Variants in RUNDC3A observed in about 807,000 individuals in gnomAD.
RUNDC3A encodes RUN domain-containing protein 3A.
A neutral mutation model predicts 53.9 loss-of-function variants in RUNDC3A; 28 were observed. The observed-to-expected ratio is 0.52, with a 90% CI of 0.38 to 0.71. RUNDC3A has a LOEUF of 0.71. Among genes scored for constraint, RUNDC3A ranks in the 30% least tolerant of loss-of-function variants. RUNDC3A has a pLI of 0.00. For missense variants in RUNDC3A, 491 were observed against 597.3 expected (o/e 0.82, Z 1.85); for synonymous variants, 232 against 249.4 (o/e 0.93, Z 0.66).
rs1286818762 is a variant in RUNDC3A at position 44,315,885 on chromosome 17, G to A, written c.953+276G>A. Reference sequence around the variant, plus strand: ...AGTGGCCATCCAACCTTACTGCAGGGACCCCACGTCACTCACAAGGACCTG... The same window carrying A: ...AGTGGCCATCCAACCTTACTGCAGGAACCCCACGTCACTCACAAGGACCTG... On this transcript the variant is annotated intron_variant, in intron 8 of 10. Coordinates refer to ENST00000426726, the MANE Select transcript of RUNDC3A (RefSeq NM_001144825.2). The surrounding 1 kb of genome is among the most constrained non-coding windows in gnomAD (Gnocchi z 6.1). Among the ~76,000 whole-genome samples the A allele has an allele frequency of 6.6e-6, 1 of 151,716 alleles. No homozygotes were observed. Among genetic ancestry groups the A allele is most frequent in the African/African-American group, 2.4e-5 (1 of 41,244 alleles).
In RUNDC3A at chr17:44,317,633, T is replaced by C. The variant is rs2047894897; in HGVS notation, c.1199-463T>C. The C allele has an allele frequency of 1.1e-5, 8 of 732,642 alleles. No homozygotes were observed. The South Asian group carries it at 1.2e-4, about 11-fold the overall frequency. 45.4% of individuals were successfully genotyped at this position (732,642 alleles called of 1,614,324 possible). ...TGAATATCCTGTCTTTTCTTTTTTA[T>C]AAGCAACCACACTGTATTGGATGAC... On this transcript the variant is annotated intron_variant, in intron 10 of 10. Coordinates refer to ENST00000426726, the MANE Select transcript of RUNDC3A (RefSeq NM_001144825.2).
chr17:44,317,339 G>A, intron 10 of RUNDC3A: 1 of 703,888 alleles, frequency 1.4e-6, no homozygotes. Flanking sequence ...TTGTCACATG[G>A]TGAGGGCTCA....
chr17:44,315,304 T>C lies in RUNDC3A; in HGVS notation c.779T>C (p.Ile260Thr). The C allele has an allele frequency of 6.6e-7, 1 of 1,517,964 alleles. No individual in the cohort carries two copies. Among genetic ancestry groups the C allele is most frequent in the Non-Finnish European group, 8.8e-7 (1 of 1,130,350 alleles). 94.0% of individuals were successfully genotyped at this position (1,517,964 alleles called of 1,614,324 possible). Residue 260 changes from isoleucine to threonine, a missense_variant, in exon 7 of 11, where the codon ATC (isoleucine) becomes ACC (threonine). Transcript: ENST00000426726. This position sits in a 1 kb window ranked among gnomAD's most constrained non-coding sequence, Gnocchi z 6.1. Reference protein sequence around the residue: ...KWHKMEQKFRIVYAQKGYLEE... With the variant: ...KWHKMEQKFRTVYAQKGYLEE... Reference sequence around the variant, plus strand: ...CACAAGATGGAGCAGAAGTTCCGCATCGTCTACGCGCAGAAGGTGCGCGAC... The same window carrying C: ...CACAAGATGGAGCAGAAGTTCCGCACCGTCTACGCGCAGAAGGTGCGCGAC...
At position 44,313,217 on chromosome 17, in the gene RUNDC3A, G is replaced by A. The variant is rs1469230241; in HGVS notation, c.337G>A (p.Glu113Lys). Reference sequence around the variant, plus strand: ...GCCCAACAACTGTGTGAGCAGCATCGAGAACATGGAGAACATCAGCACAGC... The same window carrying A: ...GCCCAACAACTGTGTGAGCAGCATCAAGAACATGGAGAACATCAGCACAGC... Reference protein sequence around the residue: ...KVPNNCVSSIENMENISTARA... With the variant: ...KVPNNCVSSIKNMENISTARA... Residue 113 changes from glutamate (E) to lysine (K), a missense_variant, in exon 3 of 11, where the codon GAG (glutamate) becomes AAG (lysine). Physicochemically the swap from Glu to Lys is moderately conservative, Grantham distance 56 (BLOSUM62 1). This residue lies in a region of RUNDC3A where 273 missense variants were observed against 389.0 expected (regional missense o/e 0.70). Coordinates refer to ENST00000426726, the MANE Select transcript of RUNDC3A (RefSeq NM_001144825.2). The A allele has an allele frequency of 1.2e-6, 2 of 1,613,896 alleles. No individual in the cohort carries two copies. The highest frequency in any genetic ancestry group is 1.7e-5 in the Admixed American group (1 of 60,014).
rs933307059 is a variant in RUNDC3A at position 44,311,415 on chromosome 17, C to T, written c.108-1165C>T. The T allele has an allele frequency of 1.5e-4, 130 of 882,852 alleles. 1 individual carries two copies. The highest frequency in any genetic ancestry group is 1.6e-4 in the Non-Finnish European group (120 of 736,458). The allele number at this position is 882,852 out of a possible 1,614,324, so 54.7% of individuals were successfully genotyped here. A position where few individuals can be genotyped will look rare whatever the true frequency, so the allele number is the denominator to read the frequency against. ...TGACTACTCATAAGCCATGTGACTCCGAACAGATCAGTCAACCTCTTGGAC... is the reference window on the plus strand; with the variant it reads ...TGACTACTCATAAGCCATGTGACTCTGAACAGATCAGTCAACCTCTTGGAC... On this transcript the variant is annotated intron_variant, in intron 1 of 10. Transcript: ENST00000426726.
At chr17:44,310,578 C>T in intron 1 of RUNDC3A, 1 of 361,978 alleles carries the variant, frequency 2.8e-6, no homozygotes, top group Non-Finnish European at 3.9e-6. Flanking sequence ...CAGGCCCCTA[C>T]TGCCTCATCA....
Position 44,315,687 on chromosome 17 carries a change from A to C in RUNDC3A, c.953+78A>C. On this transcript the variant is annotated intron_variant, in intron 8 of 10. Transcript: ENST00000426726. The surrounding 1 kb of genome is among the most constrained non-coding windows in gnomAD (Gnocchi z 6.1). Reference sequence around the variant, plus strand: ...CCGGGTGAACCCCATCTTCACTTCCATCGACTCTAACATCACCCGACACGA... The same window carrying C: ...CCGGGTGAACCCCATCTTCACTTCCCTCGACTCTAACATCACCCGACACGA... 6.4e-6 allele frequency: 8 copies of C among 1,252,596 alleles called. No individual in the cohort carries two copies. The highest frequency in any genetic ancestry group is 8.3e-6 in the Non-Finnish European group (8 of 965,528). 77.6% of individuals were successfully genotyped at this position (1,252,596 alleles called of 1,614,324 possible). A position where few individuals can be genotyped will look rare whatever the true frequency, so the allele number is the denominator to read the frequency against.
At chr17:44,314,099 C>G in intron 4 of RUNDC3A, 2 of 992,306 alleles carry the variant, frequency 2.0e-6, no homozygotes, top group Non-Finnish European at 2.4e-6. Context: ...TGCACCATCT[C>G]AAGTGTTGGC....
chr17:44,308,796 G>T lies in RUNDC3A; in HGVS notation c.-37G>T. The T allele has an allele frequency of 1.4e-6, 2 of 1,426,838 alleles. No homozygotes were observed. The highest frequency in any genetic ancestry group is 1.9e-5 in the Admixed American group (1 of 51,846). 88.4% of individuals were successfully genotyped at this position (1,426,838 alleles called of 1,614,324 possible). ...GTTTGGGGCTCCGGGAGGGGTGGGG[G>T]GGCAGCGGGCGGCGGCAGCAGTGGC... On this transcript the variant is annotated 5_prime_UTR_variant, in exon 1 of 11. Coordinates refer to ENST00000426726, the MANE Select transcript of RUNDC3A (RefSeq NM_001144825.2).
At chr17:44,316,817 AGTC>A in intron 10 of RUNDC3A, 92 bp downstream of exon 10, 17 of 535,140 alleles carry the variant, frequency 3.2e-5, no homozygotes, top group Non-Finnish European at 4.2e-5. Flanking sequence ...TCATTCTCTT[AGTC>A]TTTTTTTTTT....
At chr17:44,317,746 C>T in intron 10 of RUNDC3A, 1 of 610,938 alleles carries the variant, frequency 1.6e-6, no homozygotes, top group Non-Finnish European at 2.9e-6. Flanking sequence ...GTCTCCCCCA[C>T]CAGACTGTGA....
At chr17:44,313,322 G>A in intron 3 of RUNDC3A, 70 bp downstream of exon 3, 1 of 1,606,766 alleles carries the variant, frequency 6.2e-7, no homozygotes, top group Non-Finnish European at 8.5e-7. Flanking sequence ...CTTGGTTTTT[G>A]CCCCCTGTGC....
At chr17:44,314,696 G>A (rs781155574) in intron 4 of RUNDC3A, 39 bp from the exon 5 acceptor site, 3 of 1,484,068 alleles carry the variant, frequency 2.0e-6, no homozygotes, top group Non-Finnish European at 2.7e-6. Context: ...GGGCGCTCCA[G>A]GGGCCTGCTG....
Position 44,318,263 on chromosome 17 carries a change from C to CCACCTGCCAGGGGCCATGGA in RUNDC3A, c.*35_*54dup. 1.3e-6 allele frequency: 2 copies of CCACCTGCCAGGGGCCATGGA among 1,538,536 alleles called. No individual in the cohort carries two copies. The highest frequency in any genetic ancestry group is 1.8e-6 in the Non-Finnish European group (2 of 1,137,468). Reference sequence around the variant, plus strand: ...AGGAACAGCATGGGCAGTGCCAGCCCCACCTGCCAGGGGCCATGGACACCT... The same window carrying CCACCTGCCAGGGGCCATGGA: ...AGGAACAGCATGGGCAGTGCCAGCCCCACCTGCCAGGGGCCATGGACACCTGCCAGGGGCCATGGACACCT... On this transcript the variant is annotated 3_prime_UTR_variant, in exon 11 of 11. Transcript: ENST00000426726.
intron 10 of RUNDC3A, chr17:44,316,954 C>G: frequency 2.1e-6 from 1 of 475,172 alleles, no homozygotes; most frequent in Non-Finnish European, 3.7e-6. Flanking sequence ...TCCCGAGTAG[C>G]TGGGATTAAA....
At position 44,313,744 on chromosome 17, in the gene RUNDC3A, C is replaced by T. The variant is rs940910959; in HGVS notation, c.458+241C>T. 2.0e-4 allele frequency: 246 copies of T among 1,206,650 alleles called. No homozygotes were observed. In the Admixed American group the frequency reaches 3.3e-3, roughly 16 times the overall value. 74.7% of individuals were successfully genotyped at this position (1,206,650 alleles called of 1,614,324 possible). A position where few individuals can be genotyped will look rare whatever the true frequency, so the allele number is the denominator to read the frequency against. On this transcript the variant is annotated intron_variant, in intron 4 of 10. Coordinates refer to ENST00000426726, the MANE Select transcript of RUNDC3A (RefSeq NM_001144825.2). ...TTGCCCAGGCTGGAGTGCGATGGCG[C>T]GATCTCGGCTCACTGCAACCTCCGC...
intron 1 of RUNDC3A, chr17:44,310,925 C>A: frequency 1.0e-6 from 1 of 985,556 alleles, no homozygotes; most frequent in Non-Finnish European, 1.2e-6. Flanking sequence ...TTCCCAGCCA[C>A]GACCCCGCTC....
intron 1 of RUNDC3A, chr17:44,311,321 A>G (rs1354752898): frequency 1.0e-6 from 1 of 985,450 alleles, no homozygotes; most frequent in Non-Finnish European, 1.2e-6. Context: ...TCATCACAAC[A>G]GCTGCCAGGA....
At position 44,315,350 on chromosome 17, in the gene RUNDC3A, G is replaced by A. The variant is rs1159417664; in HGVS notation, c.795+30G>A. The A allele has an allele frequency of 7.6e-7, 1 of 1,314,842 alleles. No homozygotes were observed. Among genetic ancestry groups the A allele is most frequent in the Admixed American group, 3.5e-5 (1 of 28,868 alleles). 81.4% of individuals were successfully genotyped at this position (1,314,842 alleles called of 1,614,324 possible). On this transcript the variant is annotated intron_variant, in intron 7 of 10. Transcript: ENST00000426726. The surrounding 1 kb of genome is among the most constrained non-coding windows in gnomAD (Gnocchi z 6.1). ...GCGACGCCGGCGGGCCCGGGGGGCG[G>A]GCGGGCCGGGCGGGGGATCCGGGCA...
Sources: gnomAD v4.1 joint callset for allele counts (sites outside exome capture counted in the v4.1 genomes callset) on GRCh38, gnomAD v4.1.1 for gene constraint, gnomAD v4.1.1 regional missense constraint, Gnocchi (gnomAD v3.1) non-coding constraint, MANE v1.5 for transcripts, NCBI Gene and HGNC (gene_info 2026-07-23, HGNC 2026-07-21) for gene names.